Variants in SLC9A3 observed in about 807,000 individuals in gnomAD.
SLC9A3 encodes the protein solute carrier family 9 member A3, also known as sodium/hydrogen exchanger 3.
SLC9A3 carries 37 observed loss-of-function variants against 86.8 expected under a neutral mutation model. The observed-to-expected ratio is 0.43, with a 90% confidence interval of 0.33 to 0.56. The LOEUF is 0.56. Ranked by LOEUF, SLC9A3 falls within the 20% of genes least tolerant of loss-of-function variation. The pLI is 0.06. For synonymous variants in SLC9A3, 581 were observed against 528.3 expected (o/e 1.10, Z -1.37); for missense variants, 1,011 against 1,171.9 (o/e 0.86, Z 2.00).
chr5:507,268 C>G (rs556674203), intron 1 of SLC9A3, among the ~76,000 whole-genome samples: 1 of 131,268 alleles, frequency 7.6e-6, no homozygotes, highest in East Asian at 2.4e-4. Flanking sequence ...CCCGGGTTCA[C>G]GCCATTCTCC....
intron 1 of SLC9A3, among the ~76,000 whole-genome samples, chr5:515,121 C>T (rs1375574655): frequency 2.0e-5 from 3 of 152,042 alleles, no homozygotes; most frequent in African/African-American, 7.2e-5. Context: ...TCTCGGCCCC[C>T]CACTCCTCAC....
intron 1 of SLC9A3, among the ~76,000 whole-genome samples, chr5:499,769 G>A (rs144455315): frequency 1.3e-5 from 2 of 152,340 alleles, no homozygotes; most frequent in East Asian, 3.9e-4. Context: ...TAATGCCAAG[G>A]TGGCTCCTAG....
chr5:503,377 T>G (rs1337429997), intron 1 of SLC9A3, among the ~76,000 whole-genome samples: 1 of 152,022 alleles, frequency 6.6e-6, no homozygotes, highest in African/African-American at 2.4e-5. Context: ...CTCGACAAAA[T>G]AAATTAAAAC....
chr5:521,352 G>T (rs1274178986), intron 1 of SLC9A3, among the ~76,000 whole-genome samples: 2 of 152,220 alleles, frequency 1.3e-5, no homozygotes, highest in Non-Finnish European at 2.9e-5. Flanking sequence ...TGGCCCTCTG[G>T]CCATCCTCTG....
rs1738496604 is a variant in SLC9A3, at chr5:473,257, T to C, written c.*122A>G. 2 of 1,101,626 alleles carry C rather than the reference T, an allele frequency of 1.8e-6. No individual in the cohort carries two copies. Among genetic ancestry groups the C allele is most frequent in the Non-Finnish European group, 2.3e-6 (2 of 866,296 alleles). The allele number at this position is 1,101,626 out of a possible 1,614,324, so 68.2% of individuals were successfully genotyped here. ...GGCGCTGGCGTGGGCGAGGCGGGGC[T>C]CGGGGCTCGCGGTCGCTGTAGCCGC... On this transcript the variant is annotated 3_prime_UTR_variant, in exon 17 of 17. Coordinates refer to ENST00000264938, the MANE Select transcript of SLC9A3 (RefSeq NM_004174.4).
rs1323322655 is a variant in SLC9A3 at position 473,446 on chromosome 5, C to T, written c.2502-64G>A. The T allele has an allele frequency of 4.6e-6, 6 of 1,301,878 alleles. No individual in the cohort carries two copies. The African/African-American group carries it at 9.3e-5, about 20-fold the overall frequency. 80.6% of individuals were successfully genotyped at this position (1,301,878 alleles called of 1,614,324 possible). On this transcript the variant is annotated intron_variant, in intron 16 of 16. Transcript: ENST00000264938. ...GGCGCTGGGGCGGGAGGGGCGTCCC[C>T]GGGGGCCTCAGCTGTCCCCGAGCCC... is the stretch of plus-strand genomic sequence containing the variant.
intron 1 of SLC9A3, among the ~76,000 whole-genome samples, chr5:506,877 C>T (rs1171716351): frequency 7.7e-6 from 1 of 129,296 alleles, no homozygotes; most frequent in African/African-American, 2.9e-5. Context: ...ACCAGCCTGG[C>T]CAATATGGAG....
At chr5:485,990 G>A (rs1005050380) in intron 3 of SLC9A3, among the ~76,000 whole-genome samples, 7 of 152,346 alleles carry the variant, frequency 4.6e-5, no homozygotes, top group Admixed American at 1.3e-4. Flanking sequence ...GCAGGGCTGC[G>A]GGGCACACGG....
At chr5:504,908 GTGCCTGGAAGAGCAGCA>G (rs1740477784) in intron 1 of SLC9A3, among the ~76,000 whole-genome samples, 1 of 116,792 alleles carries the variant, frequency 8.6e-6, no homozygotes, top group Admixed American at 9.4e-5. Flanking sequence ...CCGGACGCCT[GTGCCTGGAAGAGCAGCA>G]GACGCCTGCA....
intron 1 of SLC9A3, among the ~76,000 whole-genome samples, chr5:509,786 A>G (rs1740797151): frequency 6.6e-6 from 1 of 152,126 alleles, no homozygotes; most frequent in African/African-American, 2.4e-5. Context: ...AGAACCAGGA[A>G]TGAGGAAGGC....
At chr5:507,089 T>A (rs1433932090) in intron 1 of SLC9A3, among the ~76,000 whole-genome samples, 7 of 125,556 alleles carry the variant, frequency 5.6e-5, no homozygotes, top group Non-Finnish European at 1.1e-4. Context: ...AATAAATAAA[T>A]AAATAAATAA....
rs935810348 is a variant in SLC9A3, at chr5:491,545, G to A, written c.514+224C>T. On this transcript the variant is annotated intron_variant, in intron 2 of 16. Transcript: ENST00000264938. This position sits in a 1 kb window ranked among gnomAD's most constrained non-coding sequence, Gnocchi z 9.2. Reference sequence around the variant, plus strand: ...CCTGCAGCCCCCAAGCCGAGCTGCCGAGATGGGAACTCCTCCCCAAGCAGA... The same window carrying A: ...CCTGCAGCCCCCAAGCCGAGCTGCCAAGATGGGAACTCCTCCCCAAGCAGA... Among the ~76,000 whole-genome samples the A allele has an allele frequency of 6.6e-6, 1 of 152,046 alleles. No individual in the cohort carries two copies. Among genetic ancestry groups the A allele is most frequent in the East Asian group, 1.9e-4 (1 of 5,184 alleles).
Position 471,925 on chromosome 5 carries a change from C to T in SLC9A3, c.*1454G>A, listed in dbSNP as rs986022902. The T allele has an allele frequency of 2.2e-6, 1 of 456,672 alleles. No homozygotes were observed. The highest frequency in any genetic ancestry group is 4.4e-6 in the Non-Finnish European group (1 of 226,962). 28.3% of individuals were successfully genotyped at this position (456,672 alleles called of 1,614,324 possible). On this transcript the variant is annotated 3_prime_UTR_variant, in exon 17 of 17. Coordinates refer to ENST00000264938, the MANE Select transcript of SLC9A3 (RefSeq NM_004174.4). ...TGCAATATTCAGTCAACATAAAACT[C>T]TTTAAGAACTCCTCCTGACTGGTGA...
At position 475,595 on chromosome 5, in the gene SLC9A3, A is replaced by T; in HGVS notation, c.2217T>A (p.Ser739Arg). ...EMSGGIEFLA[S>R]VTKDTASDSP... is the part of the protein sequence containing the mutation. ...AGTCGGACGCTGTGTCCTTGGTGACACTAGCCAGGAACTCGATCCCCCCAC... is the reference window on the plus strand; with the variant it reads ...AGTCGGACGCTGTGTCCTTGGTGACTCTAGCCAGGAACTCGATCCCCCCAC... Residue 739 changes from serine (S) to arginine (R), a missense_variant, in exon 15 of 17, where the codon AGT becomes AGA. Coordinates refer to ENST00000264938, the MANE Select transcript of SLC9A3 (RefSeq NM_004174.4). 1 of 1,552,128 alleles carries T rather than the reference A, an allele frequency of 6.4e-7. No individual in the cohort carries two copies. Among genetic ancestry groups the T allele is most frequent in the Non-Finnish European group, 8.7e-7 (1 of 1,146,854 alleles).
chr5:483,889 G>C (rs1739338878), intron 5 of SLC9A3, among the ~76,000 whole-genome samples: 1 of 152,286 alleles, frequency 6.6e-6, no homozygotes, highest in Non-Finnish European at 1.5e-5. Flanking sequence ...CGCCAGCGGA[G>C]CGGGCGAGGT....
chr5:491,286 C>T lies in SLC9A3; in HGVS notation c.514+483G>A, dbSNP rs1039101068. ...AGCCACGCGTGGTCTGGGTCCGGGGCGGGAGGCAGTGCCCGAGAGATGAAG... is the reference window on the plus strand; with the variant it reads ...AGCCACGCGTGGTCTGGGTCCGGGGTGGGAGGCAGTGCCCGAGAGATGAAG... On this transcript the variant is annotated intron_variant, in intron 2 of 16. Transcript: ENST00000264938. The surrounding 1 kb of genome is among the most constrained non-coding windows in gnomAD (Gnocchi z 9.2). Among the ~76,000 whole-genome samples, 6 of 152,260 alleles carry T rather than the reference C, an allele frequency of 3.9e-5. No homozygotes were observed. Among genetic ancestry groups the T allele is most frequent in the East Asian group, 1.9e-4 (1 of 5,172 alleles).
intron 1 of SLC9A3, among the ~76,000 whole-genome samples, chr5:502,190 A>T (rs1036704940): frequency 6.6e-6 from 1 of 152,176 alleles, no homozygotes; most frequent in African/African-American, 2.4e-5. Flanking sequence ...CTGGGGCAAA[A>T]TGAACGCAGC....
In SLC9A3 at chr5:496,809, G is replaced by A. The variant is rs1218071675; in HGVS notation, c.212-4738C>T. 4.6e-5 allele frequency among the ~76,000 whole-genome samples: 7 copies of A among 152,122 alleles called. No homozygotes were observed. Among genetic ancestry groups the A allele is most frequent in the Admixed American group, 4.6e-4 (7 of 15,262 alleles). ...ACCTGTAATCCCAATACAACAGTTT[G>A]GGAGGCCAAGGCAGGTGGATCCCTT... On this transcript the variant is annotated intron_variant, in intron 1 of 16. Coordinates refer to ENST00000264938, the MANE Select transcript of SLC9A3 (RefSeq NM_004174.4). The surrounding 1 kb of genome is among the most constrained non-coding windows in gnomAD (Gnocchi z 4.7).
Position 488,354 on chromosome 5 carries a change from C to G in SLC9A3, c.637G>C (p.Val213Leu). ...TCGTTCAGCAGCGACTCCCCGAAGA[C>G]GATGATGAACAGGACCTCGTTGACA... Reference protein sequence around the residue: ...VHVNEVLFIIVFGESLLNDAV... With the variant: ...VHVNEVLFIILFGESLLNDAV... The change falls in exon 3 of 17, where the codon GTC (valine) becomes CTC (leucine). Residue 213 changes from valine (V) to leucine (L), a missense_variant. Transcript: ENST00000264938. 6.2e-7 allele frequency: 1 copy of G among 1,612,732 alleles called. No homozygotes were observed. The highest frequency in any genetic ancestry group is 8.5e-7 in the Non-Finnish European group (1 of 1,179,880).
Sources: gnomAD v4.1 joint callset for allele counts (sites outside exome capture counted in the v4.1 genomes callset) on GRCh38, gnomAD v4.1.1 for gene constraint, Gnocchi (gnomAD v3.1) non-coding constraint, MANE v1.5 for transcripts, NCBI Gene and HGNC (gene_info 2026-07-23, HGNC 2026-07-21) for gene names.